The following PRKN variants were observed in gnomAD, a reference collection of about 807,000 sequenced individuals.
PRKN encodes the protein parkin RBR E3 ubiquitin protein ligase.
Under a neutral mutation model 59.5 loss-of-function variants are expected in PRKN, and 56 were observed. The ratio of observed to expected loss-of-function variants is 0.94; its 90% CI spans 0.76 to 1.18. PRKN has a LOEUF of 1.18. Among genes scored for constraint, PRKN ranks in the 50% most tolerant of loss-of-function variants. PRKN has a pLI of 0.00. For missense variants in PRKN, 657 were observed against 596.4 expected (o/e 1.10, Z -1.06); for synonymous variants, 250 against 222.1 (o/e 1.13, Z -1.12).
intron 7 of PRKN, among the ~76,000 whole-genome samples, chr6:161,775,402 T>C (rs542954198): frequency 1.3e-5 from 2 of 151,188 alleles, no homozygotes; most frequent in South Asian, 4.2e-4. Context: ...CCCAACACAC[T>C]GACCTAATTT....
intron 3 of PRKN, among the ~76,000 whole-genome samples, chr6:162,261,299 C>G (rs1489812875): frequency 6.6e-6 from 1 of 152,062 alleles, no homozygotes; most frequent in Non-Finnish European, 1.5e-5. Context: ...TTTCCTGTGT[C>G]TACTGTTTCT....
At chr6:161,733,786 AT>A (rs1787831254) in intron 7 of PRKN, among the ~76,000 whole-genome samples, 1 of 71,832 alleles carries the variant, frequency 1.4e-5, no homozygotes, top group East Asian at 3.8e-4. Flanking sequence ...AAAAAAAAAT[AT>A]ATATATATAT....
At chr6:162,114,195 C>T (rs1038424093) in intron 4 of PRKN, among the ~76,000 whole-genome samples, 38 of 152,068 alleles carry the variant, frequency 2.5e-4, no homozygotes, top group African/African-American at 8.7e-4. Context: ...CTTGGCGATG[C>T]GGGCTCTTTT....
At chr6:162,273,923 T>C (rs187286885) in intron 2 of PRKN, among the ~76,000 whole-genome samples, 11 of 152,278 alleles carry the variant, frequency 7.2e-5, no homozygotes, top group Admixed American at 2.0e-4. Flanking sequence ...TCAGATATCA[T>C]ATTATTTACT....
intron 6 of PRKN, among the ~76,000 whole-genome samples, chr6:161,944,019 T>TCAGCCTGAGGAATCAGCCTGAGGGAC (rs1779680510): frequency 2.1e-5 from 2 of 94,514 alleles, no homozygotes; most frequent in African/African-American, 9.1e-5. Context: ...GCCTGAGGGA[T>TCAGCCTGAGGAATCAGCCTGAGGGAC]CAGCCTGAGG....
At chr6:162,062,455 G>A (rs1437109988) in intron 4 of PRKN, among the ~76,000 whole-genome samples, 2 of 152,116 alleles carry the variant, frequency 1.3e-5, no homozygotes, top group Non-Finnish European at 2.9e-5. Flanking sequence ...CAAAATTTAT[G>A]TTTAAGTACT....
chr6:162,080,322 C>G (rs573065795), intron 4 of PRKN, among the ~76,000 whole-genome samples: 1 of 152,046 alleles, frequency 6.6e-6, no homozygotes, highest in African/African-American at 2.4e-5. Context: ...TCTCGATATC[C>G]TGTAAGATTT....
rs191347689 is a variant in PRKN, at chr6:161,407,796, G to A, written c.1084-20919C>T. Among the ~76,000 whole-genome samples, 269 of 152,198 alleles carry A rather than the reference G, an allele frequency of 1.8e-3. No homozygotes were observed. The highest frequency in any genetic ancestry group is 6.8e-3 in the Middle Eastern group (2 of 294). On this transcript the variant is annotated intron_variant, in intron 9 of 11. Transcript: ENST00000366898. This position sits in a 1 kb window ranked among gnomAD's most constrained non-coding sequence, Gnocchi z 4.9. ...ACATTCCACCATTATGACTTGTTCT[G>A]GCCCTGCCCCAACTGATCAGTTGAC... is the stretch of plus-strand genomic sequence containing the variant.
At chr6:161,673,283 G>A (rs1317072867) in intron 7 of PRKN, among the ~76,000 whole-genome samples, 1 of 152,162 alleles carries the variant, frequency 6.6e-6, no homozygotes, top group Non-Finnish European at 1.5e-5. Flanking sequence ...GTGGGGGCTG[G>A]GAATGCCTGG....
intron 9 of PRKN, among the ~76,000 whole-genome samples, chr6:161,481,013 C>T (rs970093260): frequency 5.9e-5 from 9 of 152,208 alleles, no homozygotes; most frequent in African/African-American, 1.4e-4. Flanking sequence ...GACGCGGGCT[C>T]CAGGCAGCAG....
intron 2 of PRKN, among the ~76,000 whole-genome samples, chr6:162,384,329 T>G (rs1786665796): frequency 6.6e-6 from 1 of 152,168 alleles, no homozygotes; most frequent in Non-Finnish European, 1.5e-5. Context: ...GATTATTAGC[T>G]GGCCTGATTT....
At chr6:161,478,680 AGAAAAAAAT>A (rs1165337519) in intron 9 of PRKN, among the ~76,000 whole-genome samples, 1 of 152,136 alleles carries the variant, frequency 6.6e-6, no homozygotes, top group East Asian at 1.9e-4. Flanking sequence ...CCTTGTCTTT[AGAAAAAAAT>A]ACAATAAATT....
At chr6:161,677,250 A>G (rs986724566) in intron 7 of PRKN, among the ~76,000 whole-genome samples, 4 of 151,114 alleles carry the variant, frequency 2.6e-5, no homozygotes, top group Admixed American at 1.3e-4. Flanking sequence ...AAGAGAATCA[A>G]TAGTTCTCTA....
At chr6:162,434,102 G>A (rs932171701) in intron 2 of PRKN, among the ~76,000 whole-genome samples, 8 of 152,048 alleles carry the variant, frequency 5.3e-5, no homozygotes, top group Non-Finnish European at 7.4e-5. Context: ...TCAATCCAAT[G>A]CAGTTTACAC....
At chr6:161,811,178 C>T (rs1791543038) in intron 6 of PRKN, among the ~76,000 whole-genome samples, 1 of 152,116 alleles carries the variant, frequency 6.6e-6, no homozygotes, top group Admixed American at 6.6e-5. Flanking sequence ...CTTAAACTTC[C>T]TGATTTCAGG....
chr6:162,470,959 C>A (rs1791703617), intron 1 of PRKN, among the ~76,000 whole-genome samples: 1 of 151,892 alleles, frequency 6.6e-6, no homozygotes, highest in Non-Finnish European at 1.5e-5. Flanking sequence ...GGCGGTTTCA[C>A]CATGTTGGCC....
At chr6:161,785,726 G>A in intron 7 of PRKN, 46 bp downstream of exon 7, 1 of 1,594,156 alleles carries the variant, frequency 6.3e-7, no homozygotes, top group Non-Finnish European at 8.6e-7. Context: ...TTGTTCTTCT[G>A]TTCTTCATTA....
intron 7 of PRKN, among the ~76,000 whole-genome samples, chr6:161,744,761 C>T (rs77574885): frequency 0.026 from 3,928 of 152,242 alleles, 178 homozygotes; most frequent in African/African-American, 0.09. Flanking sequence ...CTAAATGAAA[C>T]ATAAGTTCAA....
At chr6:161,569,131 G>A (rs1780768086) in intron 8 of PRKN, among the ~76,000 whole-genome samples, 2 of 152,204 alleles carry the variant, frequency 1.3e-5, no homozygotes, top group Admixed American at 6.5e-5. Context: ...GAGATGAAAT[G>A]CACTGCACTG....
Sources: gnomAD v4.1 joint callset for allele counts (sites outside exome capture counted in the v4.1 genomes callset) on GRCh38, gnomAD v4.1.1 for gene constraint, Gnocchi (gnomAD v3.1) non-coding constraint, MANE v1.5 for transcripts, NCBI Gene and HGNC (gene_info 2026-07-23, HGNC 2026-07-21) for gene names.